GRIN3B: variants seen among roughly 807,000 people sequenced by gnomAD.
GRIN3B encodes glutamate receptor ionotropic, NMDA 3B.
GRIN3B carries 77 observed loss-of-function variants against 66.0 expected under a neutral mutation model. That is an observed-to-expected ratio of 1.17 (90% confidence interval 0.97 to 1.41). GRIN3B has a LOEUF of 1.41. Among genes scored for constraint, GRIN3B ranks in the 40% most tolerant of loss-of-function variants. The probability of loss-of-function intolerance (pLI) is 0.00; values close to 1 mark genes in which losing one functional copy is unlikely to be tolerated. For synonymous variants in GRIN3B, 823 were observed against 749.7 expected (o/e 1.10, Z -1.60); for missense variants, 1,787 against 1,564.5 (o/e 1.14, Z -2.40).
rs1334152519 is a variant in GRIN3B, at chr19:1,003,524, T to A, written c.821T>A (p.Leu274Gln). 1.3e-6 allele frequency: 2 copies of A among 1,530,684 alleles called. No homozygotes were observed. The highest frequency in any genetic ancestry group is 1.7e-6 in the Non-Finnish European group (2 of 1,143,694). The allele number at this position is 1,530,684 out of a possible 1,614,324, so 94.8% of individuals were successfully genotyped here. ...CCCAAGGCCCTGCCCACCGCGGGGC[T>A]GCCACCAGGGCTGCTGGCGCTGGGC... ...LPPKALPTAG[L>Q]PPGLLALGEV... is the part of the protein sequence containing the mutation. The change falls in exon 2 of 9, where the codon CTG (leucine) becomes CAG (glutamine). Residue 274 changes from leucine to glutamine, a missense_variant. Leu to Gln is a moderately radical substitution (Grantham distance 113, BLOSUM62 -2). Coordinates refer to ENST00000234389, the MANE Select transcript of GRIN3B (RefSeq NM_138690.3).
chr19:1,007,512 T>A lies in GRIN3B; in HGVS notation c.2053-116T>A. ...GCATGGAGTGGGTGGAGGCCAGGAA[T>A]GCAGCCTCGGCGCCCTGCAGTGCCC... is the stretch of plus-strand genomic sequence containing the variant. On this transcript the variant is annotated intron_variant, in intron 3 of 8. Transcript: ENST00000234389. This position sits in a 1 kb window ranked among gnomAD's most constrained non-coding sequence, Gnocchi z 4.4. 8.1e-7 allele frequency: 1 copy of A among 1,230,898 alleles called. No individual in the cohort carries two copies. Among genetic ancestry groups the A allele is most frequent in the Non-Finnish European group, 1.0e-6 (1 of 953,214 alleles). 76.2% of individuals were successfully genotyped at this position (1,230,898 alleles called of 1,614,324 possible). A position where few individuals can be genotyped will look rare whatever the true frequency, so the allele number is the denominator to read the frequency against.
chr19:1,008,284 T>C lies in GRIN3B; in HGVS notation c.2459T>C (p.Val820Ala). Residue 820 changes from valine (V) to alanine (A), a missense_variant, in exon 6 of 9, where the codon GTT (valine) becomes GCT (alanine). Physicochemically the swap from Val to Ala is moderately conservative, Grantham distance 64. Transcript: ENST00000234389. ...CCTTGCGGCAAGCGGGTCTTTGCGG[T>C]TACAGAGGTGGGGCAGGGCCTGGGA... ...MVPCGKRVFA[V>A]TETLQMSIYH... The C allele has an allele frequency of 6.7e-7, 1 of 1,486,168 alleles. No homozygotes were observed. The highest frequency in any genetic ancestry group is 9.1e-7 in the Non-Finnish European group (1 of 1,104,796). The allele number at this position is 1,486,168 out of a possible 1,614,324, so 92.1% of individuals were successfully genotyped here.
intron 6 of GRIN3B, 98 bp downstream of exon 6, chr19:1,008,389 C>T: frequency 8.3e-7 from 1 of 1,208,900 alleles, no homozygotes; most frequent in South Asian, 1.4e-5. Context: ...ATTCCCCAGA[C>T]GTGCGTTTGT....
rs1382268406 is a variant in GRIN3B at position 1,008,680 on chromosome 19, C to T, written c.2529C>T (p.Gly843=). 1 of 1,606,064 alleles carries T rather than the reference C, an allele frequency of 6.2e-7. No individual in the cohort carries two copies. Among genetic ancestry groups the T allele is most frequent in the Non-Finnish European group, 8.5e-7 (1 of 1,179,814 alleles). The change falls in exon 7 of 9, where the codon GGC becomes GGT. Residue 843 remains glycine (G), a synonymous_variant. Coordinates refer to ENST00000234389, the MANE Select transcript of GRIN3B (RefSeq NM_138690.3). ...TCGTGTTGCTGTGCCTGGGCCTGGGCAGCGCTCTGCTCAGCTCGCTGGGCG... is the reference window on the plus strand; with the variant it reads ...TCGTGTTGCTGTGCCTGGGCCTGGGTAGCGCTCTGCTCAGCTCGCTGGGCG... ...GLFVLLCLGL[G]SALLSSLGEH...
intron 6 of GRIN3B, 117 bp downstream of exon 6, chr19:1,008,408 G>A: frequency 9.0e-7 from 1 of 1,105,960 alleles, no homozygotes. Flanking sequence ...GTCTGCTTCT[G>A]CGCACTTCTA....
chr19:1,009,105 C>G (rs965989060), intron 8 of GRIN3B, 68 bp from the exon 9 acceptor site: 1 of 1,447,972 alleles, frequency 6.9e-7, no homozygotes, highest in Non-Finnish European at 9.1e-7. Context: ...CGTCAGCGGC[C>G]TCTGCAGAGG....
chr19:1,009,256 A>G lies in GRIN3B; in HGVS notation c.2786A>G (p.Asp929Gly). The change falls in exon 9 of 9, where the codon GAC (aspartate) becomes GGC (glycine). Residue 929 changes from aspartate (D) to glycine (G), a missense_variant. Coordinates refer to ENST00000234389, the MANE Select transcript of GRIN3B (RefSeq NM_138690.3). ...TGGAAACGGGCGCGCCGGGCCGTGGACAAGGAGCGCCGCGTGCGCTTCCTG... is the reference window on the plus strand; with the variant it reads ...TGGAAACGGGCGCGCCGGGCCGTGGGCAAGGAGCGCCGCGTGCGCTTCCTG... Reference protein sequence around the residue: ...EGWKRARRAVDKERRVRFLLE... With the variant: ...EGWKRARRAVGKERRVRFLLE... 1 of 1,432,698 alleles carries G rather than the reference A, an allele frequency of 7.0e-7. No individual in the cohort carries two copies. Among genetic ancestry groups the G allele is most frequent in the Non-Finnish European group, 9.1e-7 (1 of 1,104,404 alleles). The allele number at this position is 1,432,698 out of a possible 1,614,324, so 88.7% of individuals were successfully genotyped here.
Position 1,004,609 on chromosome 19 carries a change from G to C in GRIN3B, c.1108G>C (p.Val370Leu), listed in dbSNP as rs768852310. Reference protein sequence around the residue: ...SQVHMSRHFKVWSLRRDPRGA... With the variant: ...SQVHMSRHFKLWSLRRDPRGA... ...GGTACACATGTCTCGGCACTTTAAG[G>C]TGTGGAGCCTTCGCCGGGACCCACG... The change falls in exon 3 of 9, where the codon GTG becomes CTG. Residue 370 changes from valine to leucine, a missense_variant. Transcript: ENST00000234389. The C allele has an allele frequency of 6.2e-7, 1 of 1,607,614 alleles. No individual in the cohort carries two copies. The highest frequency in any genetic ancestry group is 1.3e-5 in the African/African-American group (1 of 74,762).
At position 1,008,109 on chromosome 19, in the gene GRIN3B, C is replaced by T. The variant is rs766709186; in HGVS notation, c.2315-31C>T. ...CAGAGTTCCCCTGGGGCTGTCCCAC[C>T]TGGCCCCACCGCCTGGCCCCGCGCC... On this transcript the variant is annotated intron_variant, in intron 5 of 8. Coordinates refer to ENST00000234389, the MANE Select transcript of GRIN3B (RefSeq NM_138690.3). 1.3e-5 allele frequency: 20 copies of T among 1,573,800 alleles called. No homozygotes were observed. The South Asian group carries it at 2.2e-4, about 17-fold the overall frequency.
At chr19:1,006,256 C>G (rs2038747883) in intron 3 of GRIN3B, among the ~76,000 whole-genome samples, 1 of 152,130 alleles carries the variant, frequency 6.6e-6, no homozygotes, top group Non-Finnish European at 1.5e-5. Flanking sequence ...TCAAGCGATT[C>G]TCCTGCCTCA....
chr19:1,004,193 G>A (rs2038714443), intron 2 of GRIN3B, among the ~76,000 whole-genome samples: 1 of 152,214 alleles, frequency 6.6e-6, no homozygotes, highest in African/African-American at 2.4e-5. Flanking sequence ...CAACTAGGAG[G>A]GAGGGAACGG....
In GRIN3B at chr19:1,008,681, AGCGCTCT is replaced by A. The variant is rs2038792231; in HGVS notation, c.2533_2539del (p.Ala845SerfsTer238). ...CGTGTTGCTGTGCCTGGGCCTGGGC[AGCGCTCT>A]GCTCAGCTCGCTGGGCGAGCACGCC... On this transcript the variant is annotated frameshift_variant, in exon 7 of 9. Coordinates refer to ENST00000234389, the MANE Select transcript of GRIN3B (RefSeq NM_138690.3). LOFTEE classifies it high-confidence loss of function. 6.2e-7 allele frequency: 1 copy of A among 1,606,074 alleles called. No individual in the cohort carries two copies. The highest frequency in any genetic ancestry group is 8.5e-7 in the Non-Finnish European group (1 of 1,179,836).
Position 1,000,490 on chromosome 19 carries a change from G to A in GRIN3B, c.53G>A (p.Gly18Glu). 1.7e-6 allele frequency: 2 copies of A among 1,204,064 alleles called. No homozygotes were observed. The highest frequency in any genetic ancestry group is 2.1e-6 in the Non-Finnish European group (2 of 969,394). The allele number at this position is 1,204,064 out of a possible 1,614,324, so 74.6% of individuals were successfully genotyped here. A position where few individuals can be genotyped will look rare whatever the true frequency, so the allele number is the denominator to read the frequency against. ...GGCCTGGCGCTGGCGCTGGGGCCGGGGTCCGCGGGGGGCCACCCTCAGCCG... is the reference window on the plus strand; with the variant it reads ...GGCCTGGCGCTGGCGCTGGGGCCGGAGTCCGCGGGGGGCCACCCTCAGCCG... ...WLGLALALGP[G>E]SAGGHPQPCG... The change falls in exon 1 of 9, where the codon GGG becomes GAG. Residue 18 changes from glycine (G) to glutamate (E), a missense_variant. Transcript: ENST00000234389.
chr19:1,007,747 CA>C lies in GRIN3B; in HGVS notation c.2173del (p.Thr725ArgfsTer38). The stretch of plus-strand genomic sequence containing the variant: ...ACATGCGGCGCCACAGCGCGCCCAC[CA>C]CGCCCCGCGGCGTCGCCATGCTCAC... ...AHMRRHSAPT[T>X]PRGVAMLTSD... is the part of the protein sequence containing the mutation. On this transcript the variant is annotated frameshift_variant, in exon 4 of 9. Coordinates refer to ENST00000234389, the MANE Select transcript of GRIN3B (RefSeq NM_138690.3). LOFTEE classifies it high-confidence loss of function. The surrounding 1 kb of genome is among the most constrained non-coding windows in gnomAD (Gnocchi z 4.4). The C allele has an allele frequency of 6.6e-7, 1 of 1,520,496 alleles. No individual in the cohort carries two copies. The allele number at this position is 1,520,496 out of a possible 1,614,324, so 94.2% of individuals were successfully genotyped here.
At position 1,000,613 on chromosome 19, in the gene GRIN3B, G is replaced by A. The variant is rs1342119232; in HGVS notation, c.176G>A (p.Arg59Gln). ...ARARARAALA[R>Q]AALAPRLPHN... ...GCCCGCGCCCGCGCCGCCCTGGCCCGGGCCGCCCTGGCGCCGCGGCTGCCG... is the reference window on the plus strand; with the variant it reads ...GCCCGCGCCCGCGCCGCCCTGGCCCAGGCCGCCCTGGCGCCGCGGCTGCCG... The change falls in exon 1 of 9, where the codon CGG becomes CAG. Residue 59 changes from arginine to glutamine, a missense_variant. Physicochemically the swap from Arg to Gln is conservative, Grantham distance 43. Coordinates refer to ENST00000234389, the MANE Select transcript of GRIN3B (RefSeq NM_138690.3). The A allele has an allele frequency of 5.3e-5, 59 of 1,118,742 alleles. No homozygotes were observed. Among genetic ancestry groups the A allele is most frequent in the Non-Finnish European group, 6.2e-5 (57 of 918,736 alleles). 69.3% of individuals were successfully genotyped at this position (1,118,742 alleles called of 1,614,324 possible).
rs769939388 is a variant in GRIN3B, at chr19:1,005,091, C to T, written c.1590C>T (p.Thr530=). ...CCGGCCGGGCCCACATGGCGGTCAC[C>T]AGCTTCAGTATCAACTCCGCCCGCT... ...LLAGRAHMAV[T]SFSINSARSQ... is the part of the protein sequence containing the mutation. Residue 530 remains threonine, a synonymous_variant, in exon 3 of 9, where the codon ACC becomes ACT. Coordinates refer to ENST00000234389, the MANE Select transcript of GRIN3B (RefSeq NM_138690.3). This position sits in a 1 kb window ranked among gnomAD's most constrained non-coding sequence, Gnocchi z 5.2. 3.7e-6 allele frequency: 6 copies of T among 1,612,202 alleles called. No homozygotes were observed. The Admixed American group carries it at 6.7e-5, about 18-fold the overall frequency.
At position 1,007,834 on chromosome 19, in the gene GRIN3B, C is replaced by T. The variant is rs781420007; in HGVS notation, c.2199-22C>T. 5.1e-6 allele frequency: 8 copies of T among 1,556,300 alleles called. No homozygotes were observed. The highest frequency in any genetic ancestry group is 7.0e-6 in the Non-Finnish European group (8 of 1,140,602). On this transcript the variant is annotated intron_variant, in intron 4 of 8. Coordinates refer to ENST00000234389, the MANE Select transcript of GRIN3B (RefSeq NM_138690.3). This position sits in a 1 kb window ranked among gnomAD's most constrained non-coding sequence, Gnocchi z 4.4. ...GTGGGGTGGGCGGGGCGATGGCTGACCCCCGCCCCCGGCCCCAGCAGGAGC... is the reference window on the plus strand; with the variant it reads ...GTGGGGTGGGCGGGGCGATGGCTGATCCCCGCCCCCGGCCCCAGCAGGAGC...
rs757718242 is a variant in GRIN3B, at chr19:1,009,485, C to G, written c.3015C>G (p.Gly1005=). 1 of 1,491,442 alleles carries G rather than the reference C, an allele frequency of 6.7e-7. No individual in the cohort carries two copies. The highest frequency in any genetic ancestry group is 8.9e-7 in the Non-Finnish European group (1 of 1,127,318). 92.4% of individuals were successfully genotyped at this position (1,491,442 alleles called of 1,614,324 possible). A position where few individuals can be genotyped will look rare whatever the true frequency, so the allele number is the denominator to read the frequency against. Residue 1005 remains glycine, a synonymous_variant, in exon 9 of 9, where the codon GGC becomes GGG. Transcript: ENST00000234389. ...ERLRQALVRR[G]QLLAQLGDSA... ...TCCGCCAGGCCCTGGTGCGGCGCGG[C>G]CAGCTCCTGGCACAGCTCGGGGACA...
intron 6 of GRIN3B, 94 bp from the exon 7 acceptor site, chr19:1,008,524 C>T (rs1247304738): frequency 1.4e-6 from 2 of 1,440,914 alleles, no homozygotes; most frequent in South Asian, 1.3e-5. Context: ...CCCCAAGCCC[C>T]TCTCTCTGGC....
Sources: gnomAD v4.1 joint callset for allele counts (sites outside exome capture counted in the v4.1 genomes callset) on GRCh38, gnomAD v4.1.1 for gene constraint, Gnocchi (gnomAD v3.1) non-coding constraint, MANE v1.5 for transcripts, NCBI Gene and HGNC (gene_info 2026-07-23, HGNC 2026-07-21) for gene names.